The following GPC5 variants were observed in gnomAD, a reference collection of about 807,000 sequenced individuals.
The protein encoded by GPC5 is glypican-5.
Under a neutral mutation model 53.9 loss-of-function variants are expected in GPC5, and 47 were observed. The ratio of observed to expected loss-of-function variants is 0.87; its 90% CI spans 0.69 to 1.11. GPC5 has a LOEUF of 1.11. Among genes scored for constraint, GPC5 ranks in the 50% most tolerant of loss-of-function variants. GPC5 has a pLI of 0.00. For synonymous variants in GPC5, 286 were observed against 263.3 expected, an observed-to-expected ratio of 1.09 and a Z score of -0.84; for missense variants, 748 against 713.1, an observed-to-expected ratio of 1.05 and a Z score of -0.56.
intron 6 of GPC5, among the ~76,000 whole-genome samples, chr13:91,911,308 C>G (rs2039607964): frequency 1.3e-5 from 2 of 152,010 alleles, no homozygotes; most frequent in Non-Finnish European, 2.9e-5. Flanking sequence ...CTTTGGGAGG[C>G]CGAGGAGGGT....
Position 91,609,410 on chromosome 13 carries a change from C to T in GPC5, c.326-83777C>T, listed in dbSNP as rs77759453. ...GAGATAAAAACAGTTCATTTGGCAA[C>T]GTACTGATTCCCAGGAGGGGAACAC... is the stretch of plus-strand genomic sequence containing the variant. On this transcript the variant is annotated intron_variant, in intron 2 of 7. Transcript: ENST00000377067. 3.4e-3 allele frequency among the ~76,000 whole-genome samples: 519 copies of T among 152,194 alleles called. 5 individuals are homozygous for T. The highest frequency in any genetic ancestry group is 0.012 in the African/African-American group (493 of 41,520).
At chr13:92,762,525 T>C (rs548461648) in intron 7 of GPC5, among the ~76,000 whole-genome samples, 3 of 152,296 alleles carry the variant, frequency 2.0e-5, no homozygotes, top group African/African-American at 7.2e-5. Context: ...TCTTTGATTT[T>C]GACAATTTAA....
intron 6 of GPC5, among the ~76,000 whole-genome samples, chr13:91,986,995 C>G (rs2040414239): frequency 2.6e-5 from 4 of 152,112 alleles, no homozygotes; most frequent in Non-Finnish European, 5.9e-5. Context: ...GATTAATTGT[C>G]AGTTGGTAAG....
intron 7 of GPC5, among the ~76,000 whole-genome samples, chr13:92,483,245 G>C (rs1024931931): frequency 6.6e-6 from 1 of 152,122 alleles, no homozygotes; most frequent in African/African-American, 2.4e-5. Flanking sequence ...TTTCATAATT[G>C]TGTGAACATC....
chr13:92,198,139 A>AT (rs1449994208), intron 7 of GPC5, among the ~76,000 whole-genome samples: 1 of 152,144 alleles, frequency 6.6e-6, no homozygotes, highest in East Asian at 1.9e-4. Context: ...CCCCAATATC[A>AT]TAGCATCCTA....
chr13:92,003,442 C>G (rs1304578548), intron 6 of GPC5, among the ~76,000 whole-genome samples: 1 of 37,800 alleles, frequency 2.6e-5, no homozygotes, highest in Non-Finnish European at 5.0e-5. Flanking sequence ...AATTTACCAT[C>G]CAATCGAGAT....
chr13:92,381,918 A>ATATCATATATATCATATATATG (rs796383905), intron 7 of GPC5, among the ~76,000 whole-genome samples: 4 of 45,056 alleles, frequency 8.9e-5, no homozygotes, highest in East Asian at 1.8e-3. Flanking sequence ...TGATATATAT[A>ATATCATATATATCATATATATG]ATCATATATA....
intron 5 of GPC5, among the ~76,000 whole-genome samples, chr13:91,849,682 G>A (rs144174689): frequency 6.6e-6 from 1 of 152,220 alleles, no homozygotes; most frequent in East Asian, 1.9e-4. Context: ...AGAATTTCAG[G>A]TACCTTCAAA....
intron 7 of GPC5, among the ~76,000 whole-genome samples, chr13:92,635,117 G>A (rs1279236031): frequency 2.0e-5 from 3 of 151,860 alleles, no homozygotes; most frequent in African/African-American, 4.8e-5. Flanking sequence ...TTTATCTGAT[G>A]TTTTCTGTTT....
chr13:91,926,713 T>C (rs890616575), intron 6 of GPC5, among the ~76,000 whole-genome samples: 12 of 152,178 alleles, frequency 7.9e-5, no homozygotes, highest in African/African-American at 2.9e-4. Context: ...TATCTGTCCC[T>C]TAGAGATGGA....
chr13:92,791,313 G>C (rs1876452664), intron 7 of GPC5, among the ~76,000 whole-genome samples: 1 of 151,652 alleles, frequency 6.6e-6, no homozygotes, highest in Non-Finnish European at 1.5e-5. Flanking sequence ...AATAAAAAAT[G>C]AGTTAAAGAG....
chr13:92,482,448 C>T (rs1879393552), intron 7 of GPC5, among the ~76,000 whole-genome samples: 1 of 152,178 alleles, frequency 6.6e-6, no homozygotes. Flanking sequence ...TACTACCTAA[C>T]CACTTCTTGT....
intron 7 of GPC5, among the ~76,000 whole-genome samples, chr13:92,239,523 T>A (rs1429358853): frequency 2.0e-5 from 3 of 152,026 alleles, no homozygotes; most frequent in Non-Finnish European, 4.4e-5. Context: ...ACTACACACC[T>A]TCTTTGCGTA....
intron 2 of GPC5, among the ~76,000 whole-genome samples, chr13:91,616,941 A>G (rs1483197526): frequency 6.6e-6 from 1 of 152,124 alleles, no homozygotes. Flanking sequence ...GTCTTTGCAC[A>G]AAACATCTTT....
intron 7 of GPC5, among the ~76,000 whole-genome samples, chr13:92,210,501 C>T (rs981077084): frequency 2.6e-5 from 4 of 152,122 alleles, no homozygotes; most frequent in African/African-American, 4.8e-5. Flanking sequence ...ACTAGACTTC[C>T]TTTTATCTAC....
At chr13:92,657,638 C>T (rs72641034) in intron 7 of GPC5, among the ~76,000 whole-genome samples, 1,619 of 119,686 alleles carry the variant, frequency 0.014, 20 homozygotes, top group Admixed American at 0.021. Flanking sequence ...ACAGGTGTAT[C>T]CTGTGAAGGT....
chr13:92,329,783 C>G lies in GPC5; in HGVS notation c.1561+184794C>G, dbSNP rs375988335. On this transcript the variant is annotated intron_variant, in intron 7 of 7. Transcript: ENST00000377067. ...GTGATAGGATTCTATTAACACTGGC[C>G]AAGAAAACATCACAGGACAGCCACG... Among the ~76,000 whole-genome samples the G allele has an allele frequency of 2.0e-5, 3 of 152,032 alleles. No homozygotes were observed. The East Asian group carries it at 5.8e-4, about 29-fold the overall frequency.
At chr13:91,411,956 T>C (rs182611560) in intron 1 of GPC5, among the ~76,000 whole-genome samples, 88 of 152,358 alleles carry the variant, frequency 5.8e-4, no homozygotes, top group African/African-American at 1.9e-3. Flanking sequence ...AATAATTTCT[T>C]TACTCACATT....
chr13:92,368,884 G>A (rs6492605), intron 7 of GPC5, among the ~76,000 whole-genome samples: 43,351 of 151,902 alleles, frequency 0.29, 6,381 homozygotes, highest in South Asian at 0.39. Context: ...GTTTTCTAGG[G>A]AGAAGGGTAG....
Sources: allele counts gnomAD v4.1 joint callset (sites outside exome capture counted in the v4.1 genomes callset), GRCh38; gene constraint gnomAD v4.1.1; transcripts MANE v1.5; gene names NCBI Gene and HGNC (gene_info 2026-07-23, HGNC 2026-07-21).